YIPF7: variants seen among roughly 807,000 people sequenced by gnomAD.
YIPF7 encodes the protein protein YIPF7.
YIPF7 carries 35 observed loss-of-function variants against 27.2 expected under a neutral mutation model. That is an observed-to-expected ratio of 1.29 (90% CI 0.98 to 1.70). YIPF7 has a LOEUF of 1.70. Among genes scored for constraint, YIPF7 ranks in the 40% most tolerant of loss-of-function variants. The pLI, the probability that YIPF7 is intolerant of heterozygous loss-of-function variation, is 0.00. For missense variants in YIPF7, 358 were observed against 303.7 expected (o/e 1.18, Z -1.33); for synonymous variants, 137 against 110.4 (o/e 1.24, Z -1.51).
chr4:44,638,715 T>C (rs1422345648), intron 2 of YIPF7, among the ~76,000 whole-genome samples: 2 of 152,236 alleles, frequency 1.3e-5, no homozygotes, highest in African/African-American at 2.4e-5. Flanking sequence ...ATTTGTCTAT[T>C]TTTGTTTTTG....
At chr4:44,643,980 C>A (rs931193349) in intron 2 of YIPF7, among the ~76,000 whole-genome samples, 3 of 152,090 alleles carry the variant, frequency 2.0e-5, no homozygotes, top group African/African-American at 7.2e-5. Flanking sequence ...TTGAAGCCCC[C>A]ACACAGAGTC....
chr4:44,643,666 A>G (rs1411409907), intron 2 of YIPF7, among the ~76,000 whole-genome samples: 2 of 151,974 alleles, frequency 1.3e-5, no homozygotes. Flanking sequence ...CAGGCCCAGG[A>G]CCCCTCTTCC....
upstream of YIPF7, among the ~76,000 whole-genome samples, chr4:44,654,016 T>A (rs1713814807): frequency 6.6e-6 from 1 of 152,104 alleles, no homozygotes; most frequent in African/African-American, 2.4e-5. Context: ...ATATATGGAC[T>A]GAAAATGGCA....
In YIPF7 at chr4:44,636,603, G is replaced by A. The variant is rs73191070; in HGVS notation, c.117-518C>T. ...GCCAGGAAAAAATATAATTTTAATA[G>A]TATAGTCAACTGATAGGAAAAATAA... On this transcript the variant is annotated intron_variant, in intron 2 of 5. Transcript: ENST00000415895. Among the ~76,000 whole-genome samples, 306 of 152,240 alleles carry A rather than the reference G, an allele frequency of 2.0e-3. 3 individuals are homozygous for A. The highest frequency in any genetic ancestry group is 6.7e-3 in the African/African-American group (277 of 41,536).
upstream of YIPF7, among the ~76,000 whole-genome samples, chr4:44,653,029 A>T (rs1560330859): frequency 6.6e-6 from 1 of 152,102 alleles, no homozygotes; most frequent in Non-Finnish European, 1.5e-5. Context: ...TACTCAGGGA[A>T]GGCTTCTTAA....
intron 2 of YIPF7, among the ~76,000 whole-genome samples, chr4:44,642,296 C>T (rs1253670145): frequency 1.3e-5 from 2 of 152,074 alleles, no homozygotes; most frequent in African/African-American, 4.8e-5. Flanking sequence ...GGTTATAATA[C>T]TAAAATTCCT....
At chr4:44,636,506 C>T (rs369121784) in intron 2 of YIPF7, among the ~76,000 whole-genome samples, 2 of 152,192 alleles carry the variant, frequency 1.3e-5, no homozygotes, top group African/African-American at 4.8e-5. Context: ...CTGCTCGCCA[C>T]ACACTGATGC....
At chr4:44,660,207 T>C (rs1714012865) in intron 2 of YIPF7, among the ~76,000 whole-genome samples, 1 of 150,794 alleles carries the variant, frequency 6.6e-6, no homozygotes. Flanking sequence ...ACCTATGCAA[T>C]TGAACACTTT....
At chr4:44,630,387 A>G (rs1341788483) in intron 3 of YIPF7, among the ~76,000 whole-genome samples, 1 of 152,208 alleles carries the variant, frequency 6.6e-6, no homozygotes, top group Non-Finnish European at 1.5e-5. Context: ...CTGGGTTTTT[A>G]CTTCCACTAT....
chr4:44,659,179 C>T (rs1366301505), intron 2 of YIPF7, among the ~76,000 whole-genome samples: 1 of 151,986 alleles, frequency 6.6e-6, no homozygotes, highest in Non-Finnish European at 1.5e-5. Flanking sequence ...TACAGAGCCA[C>T]AGCGTACTGG....
upstream of YIPF7, among the ~76,000 whole-genome samples, chr4:44,653,842 T>C (rs1236607579): frequency 2.0e-5 from 3 of 152,264 alleles, no homozygotes; most frequent in South Asian, 2.1e-4. Flanking sequence ...CAGAGATTTA[T>C]GGTACATTCT....
At chr4:44,638,427 A>G (rs895824485) in intron 2 of YIPF7, among the ~76,000 whole-genome samples, 2 of 151,398 alleles carry the variant, frequency 1.3e-5, no homozygotes, top group Non-Finnish European at 3.0e-5. Context: ...TCAAAAGAAG[A>G]TATACAAATG....
chr4:44,657,752 C>A (rs1207227849), intron 2 of YIPF7, among the ~76,000 whole-genome samples: 6 of 152,168 alleles, frequency 3.9e-5, no homozygotes, highest in African/African-American at 1.2e-4. Flanking sequence ...AGCCATCCCC[C>A]TACTGTAACG....
At chr4:44,626,807 G>T (rs1000141631) in intron 4 of YIPF7, among the ~76,000 whole-genome samples, 2 of 98,568 alleles carry the variant, frequency 2.0e-5, no homozygotes, top group African/African-American at 7.9e-5. Context: ...ATGGAGTCTC[G>T]CTCTTTCGCC....
At position 44,626,763 on chromosome 4, in the gene YIPF7, CTTTTTTTTTTTT is replaced by C. The variant is rs71190269; in HGVS notation, c.427-1993_427-1982del. ...CCCTATTCCATCCTCATTAGCACAT[CTTTTTTTTTTTT>C]TTTTTTTTTTTTTTTTTTGTGATGG... On this transcript the variant is annotated intron_variant, in intron 4 of 5. Transcript: ENST00000415895. Among the ~76,000 whole-genome samples, 15 of 69,776 alleles carry C rather than the reference CTTTTTTTTTTTT, an allele frequency of 2.1e-4. No individual in the cohort carries two copies. The South Asian group carries it at 6.0e-3, about 28-fold the overall frequency. 45.8% of individuals were successfully genotyped at this position (69,776 alleles called of 152,430 possible).
intron 2 of YIPF7, among the ~76,000 whole-genome samples, chr4:44,657,612 G>A (rs906780689): frequency 6.6e-6 from 1 of 152,154 alleles, no homozygotes; most frequent in African/African-American, 2.4e-5. Context: ...AGGTCGATGA[G>A]TATGTAGTGA....
intron 1 of YIPF7, among the ~76,000 whole-genome samples, chr4:44,650,503 GCGCGCA>G (rs751852275): frequency 7.0e-5 from 5 of 71,038 alleles, no homozygotes; most frequent in Non-Finnish European, 1.5e-4. Flanking sequence ...ATGCGCGCGC[GCGCGCA>G]CACACACACA....
In YIPF7 at chr4:44,624,685, G is replaced by A. The variant is rs751659018; in HGVS notation, c.524C>T (p.Ser175Leu). The A allele has an allele frequency of 2.0e-5, 32 of 1,608,982 alleles. No individual in the cohort carries two copies. In the Middle Eastern group the frequency reaches 4.9e-4, roughly 25 times the overall value. ...CAGCACGCTGGCCACACAGCCGTAC[G>A]ACACCCCTGAAGAGCTCATCAGGTT... Reference protein sequence around the residue: ...LLNLMSSSGVSYGCVASVLGY... With the variant: ...LLNLMSSSGVLYGCVASVLGY... Residue 175 changes from serine (S) to leucine (L), a missense_variant, in exon 5 of 6, where the codon TCG becomes TTG. Coordinates refer to ENST00000415895, the MANE Select transcript of YIPF7 (RefSeq NM_182592.3).
rs1394851948 is a variant in YIPF7 at position 44,636,006 on chromosome 4, A to C, written c.196T>G (p.Phe66Val). The C allele has an allele frequency of 1.2e-6, 2 of 1,613,928 alleles. No homozygotes were observed. Among genetic ancestry groups the C allele is most frequent in the Admixed American group, 1.7e-5 (1 of 60,004 alleles). ...TCTGAGTTGGATGCTGGCTGAAAAA[A>C]TTGTCCTGCGTAACCCGATGACATG... is the stretch of plus-strand genomic sequence containing the variant. Reference protein sequence around the residue: ...MLMSSGYAGQFFQPASNSDYY... With the variant: ...MLMSSGYAGQVFQPASNSDYY... The change falls in exon 3 of 6, where the codon TTT (phenylalanine) becomes GTT (valine). Residue 66 changes from phenylalanine to valine, a missense_variant. Coordinates refer to ENST00000415895, the MANE Select transcript of YIPF7 (RefSeq NM_182592.3).
Sources: gnomAD v4.1 joint callset for allele counts (sites outside exome capture counted in the v4.1 genomes callset) on GRCh38, gnomAD v4.1.1 for gene constraint, MANE v1.5 for transcripts, NCBI Gene and HGNC (gene_info 2026-07-23, HGNC 2026-07-21) for gene names.